PTPRR: variants seen among roughly 807,000 people sequenced by gnomAD.
PTPRR encodes the protein protein tyrosine phosphatase receptor type R.
A neutral mutation model predicts 77.2 loss-of-function variants in PTPRR; 38 were observed. The observed-to-expected ratio is 0.49, with a 90% confidence interval of 0.38 to 0.65. PTPRR has a LOEUF of 0.65. Ranked by LOEUF, PTPRR falls within the 30% of genes least tolerant of loss-of-function variation. The probability of loss-of-function intolerance (pLI) is 0.00; values close to 1 mark genes in which losing one functional copy is unlikely to be tolerated. For synonymous variants in PTPRR, 299 were observed against 283.1 expected (o/e 1.06, Z -0.57); for missense variants, 744 against 799.2 (o/e 0.93, Z 0.83).
At chr12:70,835,579 A>AT (rs1451525530) in intron 2 of PTPRR, among the ~76,000 whole-genome samples, 2 of 152,086 alleles carry the variant, frequency 1.3e-5, no homozygotes, top group Non-Finnish European at 2.9e-5. Flanking sequence ...ATGAACACTG[A>AT]TTAAAAACTG....
intron 2 of PTPRR, among the ~76,000 whole-genome samples, chr12:70,845,179 A>T (rs1182646930): frequency 6.6e-6 from 1 of 151,222 alleles, no homozygotes; most frequent in East Asian, 2.0e-4. Flanking sequence ...GGAAGGTTTC[A>T]GTGGTGGGTG....
intron 2 of PTPRR, among the ~76,000 whole-genome samples, chr12:70,792,227 C>T (rs1891433470): frequency 6.6e-6 from 1 of 152,118 alleles, no homozygotes; most frequent in Admixed American, 6.5e-5. Context: ...AGGGTGTTGC[C>T]TGGAACCTAA....
At chr12:70,812,126 CT>C (rs1300267170) in intron 2 of PTPRR, among the ~76,000 whole-genome samples, 1 of 152,198 alleles carries the variant, frequency 6.6e-6, no homozygotes, top group African/African-American at 2.4e-5. Flanking sequence ...TTGATCCTTA[CT>C]GATCACTTTT....
intron 2 of PTPRR, among the ~76,000 whole-genome samples, chr12:70,873,296 T>C (rs1162038036): frequency 1.3e-5 from 2 of 152,152 alleles, no homozygotes; most frequent in African/African-American, 4.8e-5. Context: ...TCACTCCCTC[T>C]TGTCAGTGCC....
intron 2 of PTPRR, among the ~76,000 whole-genome samples, chr12:70,782,720 G>A (rs1249325833): frequency 6.6e-6 from 1 of 152,050 alleles, no homozygotes; most frequent in Non-Finnish European, 1.5e-5. Flanking sequence ...ATAGCATTAG[G>A]AGACACACCT....
At chr12:70,856,108 TTCAC>T (rs1161688754) in intron 2 of PTPRR, among the ~76,000 whole-genome samples, 8 of 152,160 alleles carry the variant, frequency 5.3e-5, no homozygotes, top group African/African-American at 1.4e-4. Context: ...CAGGACTCAA[TTCAC>T]TCACTCACTC....
At chr12:70,870,139 T>C (rs1892934970) in intron 2 of PTPRR, among the ~76,000 whole-genome samples, 1 of 152,198 alleles carries the variant, frequency 6.6e-6, no homozygotes, top group African/African-American at 2.4e-5. Context: ...ACAATTATTC[T>C]GCTGGGAGCC....
chr12:70,669,589 A>ACAC (rs1566056586), intron 10 of PTPRR, among the ~76,000 whole-genome samples: 1 of 102,830 alleles, frequency 9.7e-6, no homozygotes, highest in African/African-American at 5.5e-5. Context: ...CACACACACA[A>ACAC]GCTTGCACAC....
intron 13 of PTPRR, among the ~76,000 whole-genome samples, chr12:70,653,288 T>C (rs1592637211): frequency 6.6e-6 from 1 of 152,196 alleles, no homozygotes; most frequent in Middle Eastern, 3.4e-3. Context: ...AAATTTGAAG[T>C]GAAGCAACTG....
chr12:70,813,449 T>C (rs1227011469), intron 2 of PTPRR, among the ~76,000 whole-genome samples: 1 of 152,226 alleles, frequency 6.6e-6, no homozygotes, highest in African/African-American at 2.4e-5. Flanking sequence ...AATCATATAT[T>C]CATCTCCTTT....
chr12:70,860,554 T>C (rs1892734645), intron 2 of PTPRR, among the ~76,000 whole-genome samples: 2 of 152,176 alleles, frequency 1.3e-5, no homozygotes, highest in Non-Finnish European at 2.9e-5. Context: ...CTGTACTTCA[T>C]GTGTATGTGC....
At chr12:70,722,426 G>A (rs920227235) in intron 6 of PTPRR, among the ~76,000 whole-genome samples, 1 of 152,008 alleles carries the variant, frequency 6.6e-6, no homozygotes, top group African/African-American at 2.4e-5. Flanking sequence ...TACCACTCTC[G>A]TTAAAACAAA....
chr12:70,846,044 G>A (rs1423913913), intron 2 of PTPRR, among the ~76,000 whole-genome samples: 2 of 152,132 alleles, frequency 1.3e-5, no homozygotes, highest in African/African-American at 2.4e-5. Context: ...TAAATGGATA[G>A]TTAAATACAA....
chr12:70,829,431 T>C (rs12811957), intron 2 of PTPRR, among the ~76,000 whole-genome samples: 15 of 152,258 alleles, frequency 9.9e-5, no homozygotes, highest in East Asian at 1.9e-4. Context: ...TGCAAACCAC[T>C]GTGTGAGATG....
intron 2 of PTPRR, among the ~76,000 whole-genome samples, chr12:70,808,679 ATC>A (rs1435497722): frequency 1.3e-5 from 2 of 152,160 alleles, no homozygotes; most frequent in East Asian, 3.9e-4. Context: ...GAATCTCAAA[ATC>A]TCTTTATAAA....
chr12:70,866,139 G>A (rs1465168194), intron 2 of PTPRR, among the ~76,000 whole-genome samples: 8 of 151,826 alleles, frequency 5.3e-5, no homozygotes, highest in South Asian at 2.1e-4. Context: ...AAAAGCAACA[G>A]CAAACACATT....
At chr12:70,748,918 G>C (rs1001819153) in intron 5 of PTPRR, among the ~76,000 whole-genome samples, 3 of 152,122 alleles carry the variant, frequency 2.0e-5, no homozygotes, top group Non-Finnish European at 4.4e-5. Context: ...ACAGAACTCT[G>C]TCTTCTGGGA....
intron 6 of PTPRR, among the ~76,000 whole-genome samples, chr12:70,706,649 T>C (rs906055035): frequency 2.0e-5 from 3 of 152,114 alleles, no homozygotes; most frequent in Non-Finnish European, 4.4e-5. Context: ...TCTGACCTTT[T>C]ATATGTGTAT....
At chr12:70,793,083 G>A (rs540972587) in intron 2 of PTPRR, among the ~76,000 whole-genome samples, 1 of 152,278 alleles carries the variant, frequency 6.6e-6, no homozygotes, top group East Asian at 1.9e-4. Flanking sequence ...TGTGAAGCCT[G>A]CAGTACAGAT....
Sources: gnomAD v4.1 joint callset for allele counts (sites outside exome capture counted in the v4.1 genomes callset) on GRCh38, gnomAD v4.1.1 for gene constraint, MANE v1.5 for transcripts, NCBI Gene and HGNC (gene_info 2026-07-23, HGNC 2026-07-21) for gene names.